The following ZMAT2 variants were observed in gnomAD, a reference collection of about 807,000 sequenced individuals.
ZMAT2 encodes zinc finger matrin-type 2, also known as zinc finger matrin-type protein 2.
ZMAT2 carries 5 observed loss-of-function variants against 27.5 expected under a neutral mutation model. That is an observed-to-expected ratio of 0.18 (90% CI 0.10 to 0.38). ZMAT2 has a LOEUF of 0.38. Ranked by LOEUF, ZMAT2 falls within the 10% of genes least tolerant of loss-of-function variation. The probability of loss-of-function intolerance (pLI) is 1.00; values close to 1 mark genes in which losing one functional copy is unlikely to be tolerated. For missense variants in ZMAT2, 124 were observed against 243.9 expected (o/e 0.51, Z 3.27); for synonymous variants, 76 against 78.6 (o/e 0.97, Z 0.17).
At position 140,702,027 on chromosome 5, in the gene ZMAT2, A is replaced by G. The variant is rs1759972830; in HGVS notation, c.134A>G (p.Lys45Arg). 1 of 1,612,398 alleles carries G rather than the reference A, an allele frequency of 6.2e-7. No homozygotes were observed. Among genetic ancestry groups the G allele is most frequent in the Non-Finnish European group, 8.5e-7 (1 of 1,179,262 alleles). Residue 45 changes from lysine (K) to arginine (R), a missense_variant, in exon 3 of 6, where the codon AAG becomes AGG. By Grantham distance (26) the Lys-to-Arg change is conservative. Around this residue, in one of 5 missense-constraint regions of ZMAT2, gnomAD observed 34 missense variants for 50.8 expected, o/e 0.67. Transcript: ENST00000274712. ...TCAGGAAAACCAGTGCAGCCTGTCA[A>G]GCGAGAGCTTTTACGGCATAGGGAC... ...KKDGKPVQPV[K>R]RELLRHRDYK...
intron 3 of ZMAT2, among the ~76,000 whole-genome samples, chr5:140,703,041 T>C (rs891761748): frequency 6.6e-6 from 1 of 152,152 alleles, no homozygotes; most frequent in African/African-American, 2.4e-5. Flanking sequence ...GTAAGGAATC[T>C]GGGAGTGGCT....
chr5:140,701,261 C>G (rs951488577), intron 2 of ZMAT2, among the ~76,000 whole-genome samples: 1 of 152,168 alleles, frequency 6.6e-6, no homozygotes, highest in African/African-American at 2.4e-5. Context: ...AGTGACCCCC[C>G]TCTTTCCCTT....
intron 2 of ZMAT2, among the ~76,000 whole-genome samples, chr5:140,701,153 C>T (rs532281291): frequency 9.9e-5 from 15 of 152,246 alleles, no homozygotes; most frequent in Non-Finnish European, 1.3e-4. Context: ...TTGCTTGGCT[C>T]GTTTAATGCT....
chr5:140,702,245 T>C (rs1313620158), intron 3 of ZMAT2, 116 bp downstream of exon 3: 2 of 1,291,388 alleles, frequency 1.5e-6, no homozygotes, highest in African/African-American at 1.5e-5. Flanking sequence ...CCTTCTTGCC[T>C]GTAATTCTAT....
chr5:140,701,030 C>A, intron 2 of ZMAT2, 118 bp downstream of exon 2: 1 of 947,528 alleles, frequency 1.1e-6, no homozygotes, highest in Non-Finnish European at 1.6e-6. Flanking sequence ...CAGAGTGCTG[C>A]TTCCCTGGGC....
chr5:140,703,024 T>G (rs954338136), intron 3 of ZMAT2, among the ~76,000 whole-genome samples: 1 of 152,200 alleles, frequency 6.6e-6, no homozygotes, highest in African/African-American at 2.4e-5. Context: ...ACTCACAGTT[T>G]CTTTGGGTAA....
intron 3 of ZMAT2, among the ~76,000 whole-genome samples, chr5:140,702,486 A>G (rs1390183811): frequency 6.6e-6 from 1 of 152,226 alleles, no homozygotes; most frequent in Non-Finnish European, 1.5e-5. Flanking sequence ...AAAAACCAAA[A>G]CAAACAAAAA....
chr5:140,700,525 T>G, intron 1 of ZMAT2, 47 bp downstream of exon 1: 2 of 1,611,552 alleles, frequency 1.2e-6, no homozygotes, highest in Non-Finnish European at 1.7e-6. Flanking sequence ...GGGGAATGGT[T>G]TTTCAGACCT....
Position 140,702,038 on chromosome 5 carries a change from T to C in ZMAT2, c.145T>C (p.Leu49=), listed in dbSNP as rs761279175. ...KPVQPVKREL[L]RHRDYKVDLE... is the part of the protein sequence containing the mutation. ...AGTGCAGCCTGTCAAGCGAGAGCTT[T>C]TACGGCATAGGGACTACAAGGTGGA... The change falls in exon 3 of 6, where the codon TTA becomes CTA. Residue 49 remains leucine (L), a synonymous_variant. Transcript: ENST00000274712. 5 of 1,612,688 alleles carry C rather than the reference T, an allele frequency of 3.1e-6. No homozygotes were observed. The South Asian group carries it at 4.4e-5, about 14-fold the overall frequency.
intron 5 of ZMAT2, among the ~76,000 whole-genome samples, chr5:140,704,817 ATT>A (rs1421687445): frequency 6.9e-6 from 1 of 145,656 alleles, no homozygotes; most frequent in Admixed American, 6.9e-5. Flanking sequence ...TTAAAAAAAA[ATT>A]TTTTTTTTTT....
intron 5 of ZMAT2, 87 bp downstream of exon 5, chr5:140,704,658 C>A: frequency 7.1e-7 from 1 of 1,411,728 alleles, no homozygotes; most frequent in South Asian, 1.4e-5. Flanking sequence ...CCCACTCCTA[C>A]TCCCACCCCC....
At chr5:140,703,719 T>C (rs1760005099) in intron 3 of ZMAT2, among the ~76,000 whole-genome samples, 199 bp from the exon 4 acceptor site, 1 of 151,924 alleles carries the variant, frequency 6.6e-6, no homozygotes, top group African/African-American at 2.4e-5. Flanking sequence ...CTACACAGAG[T>C]AGGAATACCA....
At chr5:140,702,821 T>C (rs1486106237) in intron 3 of ZMAT2, among the ~76,000 whole-genome samples, 1 of 152,216 alleles carries the variant, frequency 6.6e-6, no homozygotes, top group Non-Finnish European at 1.5e-5. Flanking sequence ...CTACAAGAGC[T>C]TGTCACCCTT....
chr5:140,703,241 CTTTT>C (rs34233013), intron 3 of ZMAT2, among the ~76,000 whole-genome samples: 1 of 138,742 alleles, frequency 7.2e-6, no homozygotes, highest in Admixed American at 7.2e-5. Context: ...TTTTTCTTTT[CTTTT>C]TTTTTTTTTT....
intron 3 of ZMAT2, among the ~76,000 whole-genome samples, chr5:140,703,350 C>T (rs1759999295): frequency 6.6e-6 from 1 of 151,602 alleles, no homozygotes; most frequent in South Asian, 2.1e-4. Context: ...AAGCGATTCT[C>T]CTGCCTCAGC....
chr5:140,702,687 C>G (rs563311150), intron 3 of ZMAT2, among the ~76,000 whole-genome samples: 10 of 152,232 alleles, frequency 6.6e-5, no homozygotes, highest in African/African-American at 2.4e-4. Context: ...AGAATAGAGC[C>G]TAGGAGTTGT....
chr5:140,704,338 T>G, intron 4 of ZMAT2, 88 bp from the exon 5 acceptor site: 2 of 1,492,744 alleles, frequency 1.3e-6, no homozygotes, highest in Non-Finnish European at 1.8e-6. Context: ...GTGTGTTTTA[T>G]GAGATGTCAG....
chr5:140,702,656 G>C (rs529815293), intron 3 of ZMAT2, among the ~76,000 whole-genome samples: 2 of 152,338 alleles, frequency 1.3e-5, no homozygotes, highest in South Asian at 4.1e-4. Flanking sequence ...GAGATTTCTA[G>C]GAGAGAAATT....
In ZMAT2 at chr5:140,704,007, A is replaced by G. The variant is rs752668827; in HGVS notation, c.310+16A>G. On this transcript the variant is annotated intron_variant, in intron 4 of 5. Transcript: ENST00000274712. ...GGAAAGAAACGTAAGGCTTGGAGGT[A>G]GCTTGTGACTAGGGCTGGAATTGGG... The G allele has an allele frequency of 2.5e-6, 4 of 1,612,836 alleles. No individual in the cohort carries two copies. The East Asian group carries it at 8.9e-5, about 36-fold the overall frequency.
Sources: allele counts gnomAD v4.1 joint callset (sites outside exome capture counted in the v4.1 genomes callset), GRCh38; gene constraint gnomAD v4.1.1; regional missense constraint gnomAD v4.1.1; transcripts MANE v1.5; gene names NCBI Gene and HGNC (gene_info 2026-07-23, HGNC 2026-07-21).